The following DSCAM variants were observed in gnomAD, a reference collection of about 807,000 sequenced individuals.
DSCAM encodes the protein DS cell adhesion molecule, also known as cell adhesion molecule DSCAM.
A neutral mutation model predicts 217.7 loss-of-function variants in DSCAM; 47 were observed. That is an observed-to-expected ratio of 0.22 (90% CI 0.17 to 0.28). The LOEUF (loss-of-function observed/expected upper bound fraction) is 0.28. Ranked by LOEUF, DSCAM falls within the 10% of genes least tolerant of loss-of-function variation. The pLI is 1.00. For synonymous variants in DSCAM, 1,056 were observed against 1,015.3 expected, an observed-to-expected ratio of 1.04 and a Z score of -0.76; for missense variants, 2,080 against 2,618.3, an observed-to-expected ratio of 0.79 and a Z score of 4.49.
intron 3 of DSCAM, among the ~76,000 whole-genome samples, chr21:40,369,958 G>T (rs1391669187): frequency 6.6e-6 from 1 of 152,006 alleles, no homozygotes; most frequent in Non-Finnish European, 1.5e-5. Context: ...AAAAATTCAT[G>T]ATCAGTCATT....
intron 8 of DSCAM, among the ~76,000 whole-genome samples, chr21:40,334,941 C>T (rs1048656848): frequency 6.6e-6 from 1 of 152,036 alleles, no homozygotes; most frequent in Admixed American, 6.6e-5. Flanking sequence ...TAGTAAGTCC[C>T]CCGTGAAAAG....
intron 1 of DSCAM, among the ~76,000 whole-genome samples, chr21:40,837,092 C>T (rs2123668894): frequency 6.6e-6 from 1 of 152,322 alleles, no homozygotes; most frequent in East Asian, 1.9e-4. Flanking sequence ...TAATGTTCAG[C>T]TTGAAGTGTC....
chr21:40,577,307 G>A (rs962671974), intron 3 of DSCAM, among the ~76,000 whole-genome samples: 1 of 149,566 alleles, frequency 6.7e-6, no homozygotes, highest in Non-Finnish European at 1.5e-5. Context: ...ACCAGAACCA[G>A]AACAAAGTCA....
At chr21:40,548,513 A>ACAT (rs531783727) in intron 3 of DSCAM, among the ~76,000 whole-genome samples, 17 of 150,404 alleles carry the variant, frequency 1.1e-4, no homozygotes, top group Admixed American at 6.6e-5. Context: ...TAAAAAAAAA[A>ACAT]ATATATATAT....
chr21:40,091,854 C>T (rs1219143249), intron 21 of DSCAM, among the ~76,000 whole-genome samples: 1 of 152,110 alleles, frequency 6.6e-6, no homozygotes, highest in South Asian at 2.1e-4. Context: ...GTCATGAGAA[C>T]AGCACAGGAA....
At position 40,133,983 on chromosome 21, in the gene DSCAM, T is replaced by A; in HGVS notation, c.3433A>T (p.Thr1145Ser). 2 of 1,611,802 alleles carry A rather than the reference T, an allele frequency of 1.2e-6. No homozygotes were observed. Among genetic ancestry groups the A allele is most frequent in the Non-Finnish European group, 1.7e-6 (2 of 1,179,140 alleles). The change falls in exon 19 of 33, where the codon ACC becomes TCC. Residue 1145 changes from threonine to serine, a missense_variant. By Grantham distance (58) the Thr-to-Ser change is moderately conservative. This residue lies in a region of DSCAM where 1,144 missense variants were observed against 1,421.1 expected (regional missense o/e 0.81). Coordinates refer to ENST00000400454, the MANE Select transcript of DSCAM (RefSeq NM_001389.5). ...GELGEIKNIT[T>S]TQPSLELDGL... is the part of the protein sequence containing the mutation. Reference sequence around the variant, plus strand: ...TCCAGCTCCAGTGAAGGCTGTGTGGTGGTGATGTTTTTAATCTCACCCAGC... The same window carrying A: ...TCCAGCTCCAGTGAAGGCTGTGTGGAGGTGATGTTTTTAATCTCACCCAGC...
In DSCAM at chr21:40,164,579, C is replaced by T. The variant is rs1434179900; in HGVS notation, c.3018+2639G>A. Among the ~76,000 whole-genome samples the T allele has an allele frequency of 3.3e-5, 5 of 152,082 alleles. No individual in the cohort carries two copies. In the East Asian group the frequency reaches 7.7e-4, roughly 24 times the overall value. On this transcript the variant is annotated intron_variant, in intron 16 of 32. Coordinates refer to ENST00000400454, the MANE Select transcript of DSCAM (RefSeq NM_001389.5). ...TTGGGAGGCCAAGGTGGGTGGATCACGTGAAGTCAGGAGTTCAAGACCAGC... is the reference window on the plus strand; with the variant it reads ...TTGGGAGGCCAAGGTGGGTGGATCATGTGAAGTCAGGAGTTCAAGACCAGC...
At chr21:40,511,056 G>A (rs1034994363) in intron 3 of DSCAM, among the ~76,000 whole-genome samples, 30 of 152,156 alleles carry the variant, frequency 2.0e-4, no homozygotes, top group African/African-American at 6.8e-4. Context: ...TATCAGACTT[G>A]TTTTTGCACT....
chr21:40,212,737 CT>C (rs1417761026), intron 11 of DSCAM, among the ~76,000 whole-genome samples: 2 of 152,160 alleles, frequency 1.3e-5, no homozygotes, highest in East Asian at 3.9e-4. Context: ...CCCCTGGAAT[CT>C]CAGAATATGA....
At chr21:40,595,206 C>T (rs419673) in intron 3 of DSCAM, among the ~76,000 whole-genome samples, 101,255 of 151,726 alleles carry the variant, frequency 0.67, 33,987 homozygotes, top group African/African-American at 0.72. Context: ...GGTGAAACCC[C>T]GTCTCTCCAA....
chr21:40,830,562 G>A (rs2092004605), intron 1 of DSCAM, among the ~76,000 whole-genome samples: 1 of 152,192 alleles, frequency 6.6e-6, no homozygotes, highest in African/African-American at 2.4e-5. Flanking sequence ...TGGAAGTCAA[G>A]TGCAGGAGTT....
At chr21:40,050,643 G>A (rs1352416522) in intron 30 of DSCAM, among the ~76,000 whole-genome samples, 2 of 152,018 alleles carry the variant, frequency 1.3e-5, no homozygotes, top group East Asian at 1.9e-4. Flanking sequence ...CCACCAGGCC[G>A]GCTAATTTTT....
intron 1 of DSCAM, among the ~76,000 whole-genome samples, chr21:40,746,507 G>A (rs2091176413): frequency 6.6e-6 from 1 of 151,804 alleles, no homozygotes; most frequent in Non-Finnish European, 1.5e-5. Context: ...CATTACAATT[G>A]TAAATATGTA....
chr21:40,349,864 A>G (rs2074609712), intron 5 of DSCAM, among the ~76,000 whole-genome samples: 1 of 152,222 alleles, frequency 6.6e-6, no homozygotes, highest in African/African-American at 2.4e-5. Flanking sequence ...AATTCTTTAA[A>G]GCAGACAGCA....
Position 40,691,227 on chromosome 21 carries a change from C to T in DSCAM, c.508+1583G>A, listed in dbSNP as rs1439581461. 2.0e-5 allele frequency among the ~76,000 whole-genome samples: 3 copies of T among 152,224 alleles called. No homozygotes were observed. In the East Asian group the frequency reaches 5.8e-4, roughly 29 times the overall value. On this transcript the variant is annotated intron_variant, in intron 3 of 32. Transcript: ENST00000400454. ...GCCAATTAAATATGAACAGAGATAA[C>T]ATGTGTCACCTCCAAGTGGAAGCAC...
At chr21:40,092,347 G>A (rs1229795439) in intron 21 of DSCAM, among the ~76,000 whole-genome samples, 2 of 152,194 alleles carry the variant, frequency 1.3e-5, no homozygotes, top group African/African-American at 2.4e-5. Context: ...ATATTATTAT[G>A]TGAAGCCACT....
At chr21:40,553,640 T>C (rs1244885081) in intron 3 of DSCAM, among the ~76,000 whole-genome samples, 1 of 152,230 alleles carries the variant, frequency 6.6e-6, no homozygotes, top group African/African-American at 2.4e-5. Flanking sequence ...CCAACAACTG[T>C]GATATCTAAA....
chr21:40,826,365 G>C lies in DSCAM; in HGVS notation c.43+20254C>G, dbSNP rs764413184. On this transcript the variant is annotated intron_variant, in intron 1 of 32. Transcript: ENST00000400454. ...AGGTGGCCAGCATGGCTCTGTGGAG[G>C]GGGTGGGGTGGGCCAGCCCAAGCCA... Among the ~76,000 whole-genome samples the C allele has an allele frequency of 2.9e-3, 449 of 152,362 alleles. 4 individuals are homozygous for C. Among genetic ancestry groups the C allele is most frequent in the Admixed American group, 3.2e-3 (49 of 15,310 alleles).
chr21:40,437,711 C>T (rs764964706), intron 3 of DSCAM, among the ~76,000 whole-genome samples: 1 of 151,882 alleles, frequency 6.6e-6, no homozygotes, highest in Non-Finnish European at 1.5e-5. Context: ...ATTAGCCAGG[C>T]GTGGTGGTGG....
Sources: allele counts gnomAD v4.1 joint callset (sites outside exome capture counted in the v4.1 genomes callset), GRCh38; gene constraint gnomAD v4.1.1; regional missense constraint gnomAD v4.1.1; transcripts MANE v1.5; gene names NCBI Gene and HGNC (gene_info 2026-07-23, HGNC 2026-07-21).